Variants in C2CD3 observed in about 807,000 individuals in gnomAD.
C2CD3 encodes the protein C2 domain-containing protein 3.
C2CD3 carries 148 observed loss-of-function variants against 234.0 expected under a neutral mutation model. The observed-to-expected ratio is 0.63, with a 90% confidence interval of 0.55 to 0.72. C2CD3 has a LOEUF of 0.72. Among genes scored for constraint, C2CD3 ranks in the 30% least tolerant of loss-of-function variants. C2CD3 has a pLI of 0.00. For synonymous variants in C2CD3, 1,000 were observed against 1,035.4 expected, an observed-to-expected ratio of 0.97 and a Z score of 0.66; for missense variants, 2,577 against 2,811.5, an observed-to-expected ratio of 0.92 and a Z score of 1.89.
chr11:74,125,942 T>C (rs1957399532), intron 7 of C2CD3, among the ~76,000 whole-genome samples: 1 of 152,204 alleles, frequency 6.6e-6, no homozygotes. Context: ...CTATGACATA[T>C]ACCCGAAATC....
chr11:74,099,222 T>C (rs1241169202), intron 15 of C2CD3, among the ~76,000 whole-genome samples: 2 of 152,204 alleles, frequency 1.3e-5, no homozygotes, highest in Non-Finnish European at 2.9e-5. Context: ...CTGGCCATGA[T>C]TTCCAATGTT....
intron 22 of C2CD3, among the ~76,000 whole-genome samples, chr11:74,079,383 T>G (rs1955225020): frequency 6.6e-6 from 1 of 151,992 alleles, no homozygotes; most frequent in East Asian, 1.9e-4. Flanking sequence ...CAAAAAAAGG[T>G]TTGTGGGTTT....
At chr11:74,028,517 G>T in intron 31 of C2CD3, 119 bp from the exon 32 acceptor site, 1 of 667,948 alleles carries the variant, frequency 1.5e-6, no homozygotes, top group Non-Finnish European at 2.5e-6. Context: ...AACTATTCTT[G>T]TCCATAAATT....
Position 74,114,595 on chromosome 11 carries a change from T to C in C2CD3, c.1521-2A>G. On this transcript the variant is annotated splice_acceptor_variant, in intron 9 of 32. Transcript: ENST00000334126. LOFTEE classifies it high-confidence loss of function. ...AGCATCTGTTGTTCAACCAAATTTCTGAAAGGAGTTCACACAAGCAGTGAG... is the reference window on the plus strand; with the variant it reads ...AGCATCTGTTGTTCAACCAAATTTCCGAAAGGAGTTCACACAAGCAGTGAG... The C allele has an allele frequency of 6.2e-7, 1 of 1,605,964 alleles. No individual in the cohort carries two copies. Among genetic ancestry groups the C allele is most frequent in the Non-Finnish European group, 8.5e-7 (1 of 1,172,600 alleles).
At chr11:74,167,058 C>T (rs1027256955) in intron 2 of C2CD3, among the ~76,000 whole-genome samples, 1 of 152,062 alleles carries the variant, frequency 6.6e-6, no homozygotes, top group African/African-American at 2.4e-5. Flanking sequence ...GGAAGGGCAA[C>T]TATATGATCC....
chr11:74,168,167 G>A, intron 2 of C2CD3, 177 bp downstream of exon 2: 1 of 594,010 alleles, frequency 1.7e-6, no homozygotes, highest in Non-Finnish European at 3.0e-6. Flanking sequence ...CAAAACTGCT[G>A]GCACACAGTA....
chr11:74,095,128 A>G, intron 17 of C2CD3, 100 bp downstream of exon 17: 2 of 756,240 alleles, frequency 2.6e-6, no homozygotes, highest in Non-Finnish European at 3.9e-6. Context: ...AAGACTAGAA[A>G]TATTCAACAA....
intron 7 of C2CD3, among the ~76,000 whole-genome samples, chr11:74,125,593 C>A (rs528081965): frequency 1.3e-5 from 2 of 152,226 alleles, no homozygotes; most frequent in Non-Finnish European, 2.9e-5. Flanking sequence ...ACACATTTCC[C>A]TTTTACCCAT....
At chr11:74,109,592 C>T (rs1956666842) in intron 11 of C2CD3, 1 of 152,680 alleles carries the variant, frequency 6.5e-6, no homozygotes, top group Admixed American at 6.5e-5. Context: ...ATAAGCCTAC[C>T]TTCTGGACAC....
chr11:74,170,965 A>G lies in C2CD3; in HGVS notation c.-173T>C. 1 of 1,448,560 alleles carries G rather than the reference A, an allele frequency of 6.9e-7. No homozygotes were observed. Among genetic ancestry groups the G allele is most frequent in the Non-Finnish European group, 9.2e-7 (1 of 1,087,588 alleles). The allele number at this position is 1,448,560 out of a possible 1,614,324, so 89.7% of individuals were successfully genotyped here. On this transcript the variant is annotated 5_prime_UTR_variant, in exon 1 of 33. Coordinates refer to ENST00000334126, the MANE Select transcript of C2CD3 (RefSeq NM_001286577.2). ...TAACAGTCTCCGGAAAACGGTGCGA[A>G]GAGAAGGCGCCAAGACGCCTTCCCT...
chr11:74,089,888 G>A (rs1009110173), intron 20 of C2CD3, among the ~76,000 whole-genome samples: 7 of 152,360 alleles, frequency 4.6e-5, no homozygotes, highest in African/African-American at 1.7e-4. Context: ...TAAAGATGTT[G>A]CAAAGTCTTG....
Position 74,123,144 on chromosome 11 carries a change from A to T in C2CD3, c.1218-9T>A. 4 of 1,605,132 alleles carry T rather than the reference A, an allele frequency of 2.5e-6. No homozygotes were observed. The South Asian group carries it at 3.3e-5, about 13-fold the overall frequency. On this transcript the variant is annotated splice_polypyrimidine_tract_variant and intron_variant, in intron 7 of 32. Transcript: ENST00000334126. ...CTTGGGATAATTCAGCACTGCAGAG[A>T]TAAGAAAACAAAGCAGAAGAATTTT...
Position 74,116,424 on chromosome 11 carries a change from G to A in C2CD3, c.1520+1804C>T, listed in dbSNP as rs556647148. Among the ~76,000 whole-genome samples, 6 of 151,286 alleles carry A rather than the reference G, an allele frequency of 4.0e-5. No individual in the cohort carries two copies. The South Asian group carries it at 8.4e-4, about 21-fold the overall frequency. On this transcript the variant is annotated intron_variant, in intron 9 of 32. Transcript: ENST00000334126. ...GAAATGCAAATCAAAACCACAATGC[G>A]ATACCACTTTACTCCTGCAAGAATG...
chr11:74,014,415 T>C (rs1302682695), intron 32 of C2CD3, among the ~76,000 whole-genome samples: 4 of 152,170 alleles, frequency 2.6e-5, no homozygotes, highest in Non-Finnish European at 4.4e-5. Context: ...TGAAGGACTA[T>C]TGAGAGCACA....
chr11:74,152,050 A>G (rs913315872), intron 3 of C2CD3, among the ~76,000 whole-genome samples: 8 of 152,176 alleles, frequency 5.3e-5, no homozygotes, highest in Non-Finnish European at 2.9e-5. Context: ...AAAAAACCAA[A>G]CTCAAGTCAC....
At chr11:74,055,660 A>C (rs1274110936) in intron 25 of C2CD3, among the ~76,000 whole-genome samples, 2 of 152,222 alleles carry the variant, frequency 1.3e-5, no homozygotes, top group African/African-American at 4.8e-5. Context: ...CTGGCCATGC[A>C]CTTAGCTTCT....
At chr11:74,048,069 GT>G in intron 28 of C2CD3, 135 bp downstream of exon 28, 1 of 940,884 alleles carries the variant, frequency 1.1e-6, no homozygotes, top group Non-Finnish European at 1.5e-6. Context: ...GGTTTTTGGA[GT>G]TGTGACAGAA....
intron 28 of C2CD3, 114 bp downstream of exon 28, chr11:74,048,091 G>T: frequency 8.7e-7 from 1 of 1,146,764 alleles, no homozygotes; most frequent in Non-Finnish European, 1.2e-6. Context: ...GATCAACAAA[G>T]CTCTTACCCT....
At chr11:74,066,842 A>G (rs1954564009) in intron 24 of C2CD3, among the ~76,000 whole-genome samples, 1 of 152,234 alleles carries the variant, frequency 6.6e-6, no homozygotes, top group Non-Finnish European at 1.5e-5. Context: ...CCACCAAAGT[A>G]ACAATGATTC....
Sources: gnomAD v4.1 joint callset for allele counts (sites outside exome capture counted in the v4.1 genomes callset) on GRCh38, gnomAD v4.1.1 for gene constraint, MANE v1.5 for transcripts, NCBI Gene and HGNC (gene_info 2026-07-23, HGNC 2026-07-21) for gene names.